The following FSHR variants were observed in gnomAD, a reference collection of about 807,000 sequenced individuals.
FSHR encodes follicle-stimulating hormone receptor.
Under a neutral mutation model 52.1 loss-of-function variants are expected in FSHR, and 46 were observed. That is an observed-to-expected ratio of 0.88 (90% CI 0.70 to 1.13). The LOEUF (loss-of-function observed/expected upper bound fraction) is 1.13. FSHR is among the 50% of genes most tolerant of loss of function. The pLI, the probability that FSHR is intolerant of heterozygous loss-of-function variation, is 0.00. For missense variants in FSHR, 964 were observed against 834.6 expected (o/e 1.16, Z -1.91); for synonymous variants, 399 against 309.6 (o/e 1.29, Z -3.03).
chr2:49,129,704 T>C (rs1672196686), intron 1 of FSHR, among the ~76,000 whole-genome samples: 1 of 152,190 alleles, frequency 6.6e-6, no homozygotes. Context: ...TGTTTTCAAA[T>C]ATAAAGGATA....
intron 1 of FSHR, among the ~76,000 whole-genome samples, chr2:49,113,909 A>T (rs370038016): frequency 1.7e-4 from 26 of 152,274 alleles, no homozygotes; most frequent in African/African-American, 6.3e-4. Context: ...CATCCTCAAG[A>T]GACTTCAGAG....
chr2:49,110,464 A>G, intron 1 of FSHR, among the ~76,000 whole-genome samples: 1 of 152,304 alleles, frequency 6.6e-6, no homozygotes, highest in African/African-American at 2.4e-5. Context: ...GGGATACTAC[A>G]TCCACCGATA....
chr2:49,147,146 A>G (rs1408343689), intron 1 of FSHR, among the ~76,000 whole-genome samples: 1 of 152,116 alleles, frequency 6.6e-6, no homozygotes, highest in Non-Finnish European at 1.5e-5. Context: ...TGGCATGTTC[A>G]GGTCAGAGAT....
chr2:49,132,510 T>C (rs1486907123), intron 1 of FSHR, among the ~76,000 whole-genome samples: 1 of 152,194 alleles, frequency 6.6e-6, no homozygotes, highest in Non-Finnish European at 1.5e-5. Context: ...GTTATTGGCC[T>C]TATTTTGCAG....
chr2:49,061,488 T>C (rs891909529), intron 2 of FSHR, among the ~76,000 whole-genome samples: 3 of 148,076 alleles, frequency 2.0e-5, no homozygotes, highest in Non-Finnish European at 4.5e-5. Flanking sequence ...GATAAAGGGA[T>C]CAATTCAGGA....
intron 1 of FSHR, among the ~76,000 whole-genome samples, chr2:49,130,548 G>A (rs779872742): frequency 5.9e-5 from 9 of 152,152 alleles, no homozygotes; most frequent in African/African-American, 9.7e-5. Flanking sequence ...TGAATTTAGT[G>A]CAAGTCATTA....
intron 1 of FSHR, among the ~76,000 whole-genome samples, chr2:49,081,223 A>C (rs1292464973): frequency 6.6e-6 from 1 of 152,150 alleles, no homozygotes; most frequent in East Asian, 1.9e-4. Flanking sequence ...ATAAAGACTA[A>C]ATTTTAAAAC....
At chr2:48,990,135 G>C (rs188186768) in intron 5 of FSHR, among the ~76,000 whole-genome samples, 14 of 152,162 alleles carry the variant, frequency 9.2e-5, no homozygotes, top group African/African-American at 3.1e-4. Flanking sequence ...CTTGGGAAAA[G>C]GCAAACACAG....
At chr2:49,032,262 TAGTC>T (rs1444400522) in intron 2 of FSHR, among the ~76,000 whole-genome samples, 6 of 152,212 alleles carry the variant, frequency 3.9e-5, no homozygotes, top group African/African-American at 1.4e-4. Context: ...TATTTTATCA[TAGTC>T]AGGCTGTCAC....
At chr2:49,047,129 T>G (rs1668690336) in intron 2 of FSHR, among the ~76,000 whole-genome samples, 1 of 152,178 alleles carries the variant, frequency 6.6e-6, no homozygotes, top group South Asian at 2.1e-4. Context: ...ATGTAGGATT[T>G]TTTGTTGTTG....
intron 4 of FSHR, among the ~76,000 whole-genome samples, chr2:48,999,147 T>C (rs1428038719): frequency 2.0e-5 from 3 of 152,090 alleles, no homozygotes; most frequent in East Asian, 1.9e-4. Context: ...GTAATAGATA[T>C]GTGCTATTCT....
intron 1 of FSHR, among the ~76,000 whole-genome samples, chr2:49,112,309 A>AACACACACAATAGAAT (rs1671451368): frequency 6.6e-6 from 1 of 152,202 alleles, no homozygotes. Flanking sequence ...ACACAAATAT[A>AACACACACAATAGAAT]ACACACACAA....
At chr2:49,134,572 C>A (rs1558460760) in intron 1 of FSHR, among the ~76,000 whole-genome samples, 1 of 152,230 alleles carries the variant, frequency 6.6e-6, no homozygotes, top group Admixed American at 6.5e-5. Flanking sequence ...TGGGTATATA[C>A]CCAAAGGATT....
chr2:49,012,053 A>T (rs968995286), intron 4 of FSHR, among the ~76,000 whole-genome samples: 4 of 152,098 alleles, frequency 2.6e-5, no homozygotes, highest in Admixed American at 6.6e-5. Flanking sequence ...AGGCATCATA[A>T]GGAGGTCTAA....
At chr2:49,129,623 T>G (rs1672192439) in intron 1 of FSHR, among the ~76,000 whole-genome samples, 1 of 152,178 alleles carries the variant, frequency 6.6e-6, no homozygotes, top group Non-Finnish European at 1.5e-5. Context: ...AGATGTAGCA[T>G]GGTGTCCATC....
chr2:49,040,463 G>C (rs1024335803), intron 2 of FSHR, among the ~76,000 whole-genome samples: 7 of 152,138 alleles, frequency 4.6e-5, no homozygotes, highest in African/African-American at 1.7e-4. Context: ...TCTCTCTCCT[G>C]TTCCAAGAAT....
At chr2:49,122,050 C>A (rs1397385826) in intron 1 of FSHR, among the ~76,000 whole-genome samples, 1 of 152,204 alleles carries the variant, frequency 6.6e-6, no homozygotes, top group Non-Finnish European at 1.5e-5. Flanking sequence ...ACTAAAGAAT[C>A]AGAGCCCTTG....
intron 2 of FSHR, among the ~76,000 whole-genome samples, chr2:49,029,385 C>T (rs1367823731): frequency 6.6e-6 from 1 of 152,146 alleles, no homozygotes; most frequent in Non-Finnish European, 1.5e-5. Flanking sequence ...GCTACTAAAT[C>T]CATTAGCACA....
intron 4 of FSHR, among the ~76,000 whole-genome samples, chr2:49,013,527 A>AAAATATATATATAAATAAATATATATAT (rs1667369461): frequency 7.1e-6 from 1 of 140,766 alleles, no homozygotes; most frequent in East Asian, 2.0e-4. Context: ...AATATATATA[A>AAAATATATATATAAATAAATATATATAT]AAATATATAT....
Sources: gnomAD v4.1 joint callset for allele counts (sites outside exome capture counted in the v4.1 genomes callset) on GRCh38, gnomAD v4.1.1 for gene constraint, MANE v1.5 for transcripts, NCBI Gene and HGNC (gene_info 2026-07-23, HGNC 2026-07-21) for gene names.